ZNF831: variants seen among roughly 807,000 people sequenced by gnomAD.
The protein encoded by ZNF831 is zinc finger protein 831, also known as chromosome 20 open reading frame 174.
A neutral mutation model predicts 95.8 loss-of-function variants in ZNF831; 59 were observed. That is an observed-to-expected ratio of 0.62 (90% CI 0.50 to 0.77). The LOEUF is 0.77. Ranked by LOEUF, ZNF831 falls within the 30% of genes least tolerant of loss-of-function variation. The pLI is 0.00. For missense variants in ZNF831, 2,205 were observed against 2,164.0 expected, an observed-to-expected ratio of 1.02 and a Z score of -0.38; for synonymous variants, 961 against 925.5, an observed-to-expected ratio of 1.04 and a Z score of -0.70.
chr20:59,192,153 C>A lies in ZNF831; in HGVS notation c.1134C>A (p.Gly378=), dbSNP rs774585985. Residue 378 remains glycine (G), a synonymous_variant, in exon 2 of 6, where the codon GGC becomes GGA. Transcript: ENST00000371030. This position sits in a 1 kb window ranked among gnomAD's most constrained non-coding sequence, Gnocchi z 5.2. ...GCGCCGAGTCCGAGGGGGAGGGCGG[C>A]CCGGGCCCGGGGCCAGGGGTCGCAG... ...EHSAESEGEG[G]PGPGPGVAGA... 8 of 1,557,812 alleles carry A rather than the reference C, an allele frequency of 5.1e-6. No individual in the cohort carries two copies. Among genetic ancestry groups the A allele is most frequent in the Middle Eastern group, 1.8e-4 (1 of 5,620 alleles).
At chr20:59,211,010 G>A (rs368548054) in intron 4 of ZNF831, among the ~76,000 whole-genome samples, 3 of 77,254 alleles carry the variant, frequency 3.9e-5, no homozygotes, top group South Asian at 3.7e-4. Flanking sequence ...TCCGCAGTCC[G>A]GCCTGGGCGA....
At chr20:59,185,943 G>C (rs564875461) in intron 1 of ZNF831, among the ~76,000 whole-genome samples, 157 of 149,164 alleles carry the variant, frequency 1.1e-3, no homozygotes, top group African/African-American at 3.9e-3. Flanking sequence ...CCTATTCTCC[G>C]ACTCAGCATT....
intron 4 of ZNF831, among the ~76,000 whole-genome samples, chr20:59,243,876 T>C (rs535013344): frequency 6.6e-6 from 1 of 152,346 alleles, no homozygotes; most frequent in South Asian, 2.1e-4. Flanking sequence ...TTGAAATTAA[T>C]GATCCATAAA....
At chr20:59,132,330 C>G (rs1036968005) in intron 1 of ZNF831, among the ~76,000 whole-genome samples, 2 of 140,192 alleles carry the variant, frequency 1.4e-5, no homozygotes, top group Admixed American at 1.5e-4. Flanking sequence ...CTTCAGTAAA[C>G]TGTCTTGTAT....
intron 1 of ZNF831, among the ~76,000 whole-genome samples, chr20:59,175,924 T>C (rs1421556530): frequency 6.6e-6 from 1 of 152,128 alleles, no homozygotes; most frequent in African/African-American, 2.4e-5. Flanking sequence ...AAGAGATGAG[T>C]GGAAGTTGAG....
rs1983513720 is a variant in ZNF831, at chr20:59,191,442, G to A, written c.423G>A (p.Ala141=). Residue 141 remains alanine, a synonymous_variant, in exon 2 of 6, where the codon GCG becomes GCA. Coordinates refer to ENST00000371030, the MANE Select transcript of ZNF831 (RefSeq NM_178457.3). ...TLGSPGKVRN[A]GKYLCPHCGR... The stretch of plus-strand genomic sequence containing the variant: ...GCAGCCCAGGCAAGGTGCGGAATGC[G>A]GGCAAGTACCTGTGTCCGCACTGTG... 3 of 1,612,894 alleles carry A rather than the reference G, an allele frequency of 1.9e-6. No individual in the cohort carries two copies. The highest frequency in any genetic ancestry group is 2.5e-6 in the Non-Finnish European group (3 of 1,179,926).
At chr20:59,125,522 G>A (rs56128044) in intron 1 of ZNF831, among the ~76,000 whole-genome samples, 20,267 of 152,090 alleles carry the variant, frequency 0.13, 1,468 homozygotes, top group Non-Finnish European at 0.14. Flanking sequence ...CGTCTGAGAA[G>A]CTCCGCCGAT....
chr20:59,152,915 C>A (rs1300557178), intron 2 of ZNF831, among the ~76,000 whole-genome samples: 1 of 152,078 alleles, frequency 6.6e-6, no homozygotes, highest in East Asian at 1.9e-4. Context: ...CCAAGAGTGA[C>A]GAGGCTACTA....
intron 4 of ZNF831, among the ~76,000 whole-genome samples, chr20:59,225,950 C>T (rs1023256310): frequency 6.6e-6 from 1 of 152,242 alleles, no homozygotes; most frequent in African/African-American, 2.4e-5. Context: ...GACCAGGTCT[C>T]TGTTGATCCC....
In ZNF831 at chr20:59,169,294, A is replaced by G. The variant is rs1237683960; in HGVS notation, c.-37+5087A>G. On this transcript the variant is annotated intron_variant, in intron 1 of 5. Transcript: ENST00000371030. This position sits in a 1 kb window ranked among gnomAD's most constrained non-coding sequence, Gnocchi z 4.1. ...GGATCATGGTAGTTTGCGCTTTTTG[A>G]GGAATTGGTCCACTTCATCTAAGTC... Among the ~76,000 whole-genome samples the G allele has an allele frequency of 6.6e-6, 1 of 152,176 alleles. No individual in the cohort carries two copies. The highest frequency in any genetic ancestry group is 1.5e-5 in the Non-Finnish European group (1 of 68,028).
intron 1 of ZNF831, among the ~76,000 whole-genome samples, chr20:59,138,947 C>T (rs1237263808): frequency 2.0e-5 from 3 of 152,120 alleles, no homozygotes; most frequent in Admixed American, 2.0e-4. Flanking sequence ...GTTCGCAAAT[C>T]CCCTCCTCAG....
chr20:59,240,763 C>G (rs1489242935), intron 4 of ZNF831, among the ~76,000 whole-genome samples: 2 of 152,246 alleles, frequency 1.3e-5, no homozygotes, highest in East Asian at 1.9e-4. Context: ...GATGGCGCCA[C>G]TGCACTCCAG....
In ZNF831 at chr20:59,211,027, G is replaced by A. The variant is rs1458495433; in HGVS notation, c.4027+3971G>A. 1.4e-4 allele frequency among the ~76,000 whole-genome samples: 10 copies of A among 69,228 alleles called. 1 individual carries two copies. Among genetic ancestry groups the A allele is most frequent in the Admixed American group, 1.5e-4 (1 of 6,894 alleles). 45.4% of individuals were successfully genotyped at this position (69,228 alleles called of 152,430 possible). ...CGCAGTCCGGCCTGGGCGACAGAGCGAGACTCCGTCTCAAAAAAAAAGAAA... is the reference window on the plus strand; with the variant it reads ...CGCAGTCCGGCCTGGGCGACAGAGCAAGACTCCGTCTCAAAAAAAAAGAAA... On this transcript the variant is annotated intron_variant, in intron 4 of 5. Coordinates refer to ENST00000371030, the MANE Select transcript of ZNF831 (RefSeq NM_178457.3).
intron 4 of ZNF831, among the ~76,000 whole-genome samples, chr20:59,226,707 G>A (rs1986453024): frequency 6.6e-6 from 1 of 150,874 alleles, no homozygotes; most frequent in Admixed American, 6.6e-5. Flanking sequence ...TTAGTTTGGG[G>A]ACATTATGTT....
At chr20:59,138,447 C>T (rs961352755) in intron 1 of ZNF831, among the ~76,000 whole-genome samples, 14 of 152,010 alleles carry the variant, frequency 9.2e-5, no homozygotes, top group Middle Eastern at 3.2e-3. Flanking sequence ...CGCTGGCCCC[C>T]GTCCCCTGAT....
intron 2 of ZNF831, among the ~76,000 whole-genome samples, chr20:59,147,801 T>C (rs540101042): frequency 6.6e-6 from 1 of 152,348 alleles, no homozygotes; most frequent in South Asian, 2.1e-4. Context: ...TGTGTGAGAC[T>C]AATTATCTCC....
chr20:59,210,906 G>A lies in ZNF831; in HGVS notation c.4027+3850G>A, dbSNP rs1158880373. On this transcript the variant is annotated intron_variant, in intron 4 of 5. Transcript: ENST00000371030. ...AAATTAGCCGGGCGCGGTGGCGGGC[G>A]CCTGTAGTCCCAGCTACTCGGGAGG... Among the ~76,000 whole-genome samples the A allele has an allele frequency of 8.8e-5, 7 of 79,654 alleles. 3 individuals carry two copies. Among genetic ancestry groups the A allele is most frequent in the East Asian group, 9.9e-4 (2 of 2,028 alleles). The allele number at this position is 79,654 out of a possible 152,430, so 52.3% of individuals were successfully genotyped here.
chr20:59,188,303 C>T (rs998416184), intron 1 of ZNF831, among the ~76,000 whole-genome samples: 1 of 152,196 alleles, frequency 6.6e-6, no homozygotes, highest in African/African-American at 2.4e-5. Context: ...TCCTCACCAA[C>T]ACTTGTTATT....
Position 59,191,237 on chromosome 20 carries a change from C to T in ZNF831, c.218C>T (p.Pro73Leu), listed in dbSNP as rs2146544644. Reference sequence around the variant, plus strand: ...ACGGTGCCTCCCGGGGGCCTCCAGCCCCGCGCCCCGCTAGTGACGGGCAGC... The same window carrying T: ...ACGGTGCCTCCCGGGGGCCTCCAGCTCCGCGCCCCGCTAGTGACGGGCAGC... ...YHTVPPGGLQ[P>L]RAPLVTGSLD... The change falls in exon 2 of 6, where the codon CCC becomes CTC. Residue 73 changes from proline (P) to leucine (L), a missense_variant. Pro to Leu is a moderately conservative substitution (Grantham distance 98). Transcript: ENST00000371030. 6.5e-7 allele frequency: 1 copy of T among 1,547,494 alleles called. No homozygotes were observed. Among genetic ancestry groups the T allele is most frequent in the South Asian group, 1.2e-5 (1 of 81,604 alleles).
Sources: gnomAD v4.1 joint callset for allele counts (sites outside exome capture counted in the v4.1 genomes callset) on GRCh38, gnomAD v4.1.1 for gene constraint, Gnocchi (gnomAD v3.1) non-coding constraint, MANE v1.5 for transcripts, NCBI Gene and HGNC (gene_info 2026-07-23, HGNC 2026-07-21) for gene names.